Variants in GPHN observed in about 807,000 individuals in gnomAD.
GPHN encodes gephyrin.
A neutral mutation model predicts 95.5 loss-of-function variants in GPHN; 17 were observed. The observed-to-expected ratio is 0.18, with a 90% confidence interval of 0.12 to 0.27. GPHN has a LOEUF of 0.27. GPHN is among the 10% of genes least tolerant of loss of function. The pLI is 1.00. For missense variants in GPHN, 660 were observed against 978.1 expected, an observed-to-expected ratio of 0.67 and a Z score of 4.34; for synonymous variants, 320 against 322.5, an observed-to-expected ratio of 0.99 and a Z score of 0.08.
the GPHN span, among the ~76,000 whole-genome samples, chr14:67,657,824 C>T: frequency 6.6e-6 from 1 of 151,356 alleles, no homozygotes; most frequent in African/African-American, 2.4e-5. Flanking sequence ...TCTCAGCTCA[C>T]TGCAGCCTCT....
the GPHN span, among the ~76,000 whole-genome samples, chr14:67,699,878 A>T: frequency 1.3e-4 from 20 of 152,328 alleles, no homozygotes; most frequent in East Asian, 3.7e-3. Flanking sequence ...GCGGTGGCTC[A>T]CGCCTGTACT....
the GPHN span, chr14:67,343,321 A>G: frequency 7.2e-7 from 1 of 1,396,884 alleles, no homozygotes; most frequent in Non-Finnish European, 1.0e-6. Context: ...TTTCACGACA[A>G]GTGGAGGGTA....
the GPHN span, chr14:67,659,690 C>T: frequency 6.4e-7 from 1 of 1,553,704 alleles, no homozygotes; most frequent in Non-Finnish European, 8.7e-7. Context: ...ACCACAGGCC[C>T]TTAAAGGAAA....
intron 3 of GPHN, among the ~76,000 whole-genome samples, chr14:66,785,038 C>T (rs954566256): frequency 4.0e-5 from 6 of 151,738 alleles, no homozygotes; most frequent in Admixed American, 6.6e-5. Context: ...AGAAGGATGG[C>T]GAAAGATTTA....
the GPHN span, among the ~76,000 whole-genome samples, chr14:67,540,397 C>T: frequency 6.6e-6 from 1 of 151,816 alleles, no homozygotes; most frequent in Admixed American, 6.6e-5. Context: ...AGATTGAGGC[C>T]GGTGGATCAC....
chr14:67,636,957 G>C, the GPHN span, among the ~76,000 whole-genome samples: 1 of 152,250 alleles, frequency 6.6e-6, no homozygotes, highest in Non-Finnish European at 1.5e-5. Context: ...CACAGTTAGA[G>C]AAAGGGAAAG....
the GPHN span, among the ~76,000 whole-genome samples, chr14:67,387,721 G>A: frequency 6.6e-6 from 1 of 152,146 alleles, no homozygotes; most frequent in Non-Finnish European, 1.5e-5. Flanking sequence ...GCTCAAGATG[G>A]TAGCATGCCA....
intron 9 of GPHN, among the ~76,000 whole-genome samples, chr14:66,989,233 G>A (rs7149059): frequency 0.54 from 81,118 of 151,534 alleles, 24,105 homozygotes; most frequent in African/African-American, 0.81. Context: ...AACCTATTTT[G>A]TCATTTTTTT....
intron 3 of GPHN, among the ~76,000 whole-genome samples, chr14:66,806,763 A>G (rs576285205): frequency 6.6e-6 from 1 of 152,294 alleles, no homozygotes; most frequent in South Asian, 2.1e-4. Context: ...CTCATCCTGG[A>G]CTTTATTGTC....
At chr14:66,556,146 T>A (rs2059998788) in intron 1 of GPHN, among the ~76,000 whole-genome samples, 2 of 152,194 alleles carry the variant, frequency 1.3e-5, no homozygotes, top group Admixed American at 1.3e-4. Flanking sequence ...TATGATGTTA[T>A]AATCTTATGA....
intron 5 of GPHN, among the ~76,000 whole-genome samples, chr14:66,882,302 C>T (rs979997324): frequency 6.6e-6 from 1 of 151,744 alleles, no homozygotes; most frequent in African/African-American, 2.4e-5. Context: ...ATGGATAAAT[C>T]AGTGTTTTAC....
the GPHN span, among the ~76,000 whole-genome samples, chr14:67,193,954 C>CAAAAAAAAAACAAAAAAAAAAAAAAA: frequency 3.5e-5 from 3 of 85,724 alleles, no homozygotes; most frequent in African/African-American, 1.2e-4. Context: ...CAAAAAAAAA[C>CAAAAAAAAAACAAAAAAAAAAAAAAA]AAAAAAAAAA....
chr14:67,123,631 G>A (rs1052960977), intron 17 of GPHN, among the ~76,000 whole-genome samples: 5 of 152,108 alleles, frequency 3.3e-5, no homozygotes, highest in Admixed American at 1.3e-4. Context: ...AGCTGAGATC[G>A]TAACACTGCA....
intron 10 of GPHN, among the ~76,000 whole-genome samples, chr14:67,031,853 A>G (rs545402026): frequency 2.0e-5 from 3 of 152,230 alleles, no homozygotes; most frequent in East Asian, 1.9e-4. Context: ...GAAAAGTTGC[A>G]TCATTCATTA....
the GPHN span, chr14:67,302,660 A>G: frequency 1.0e-5 from 10 of 1,001,504 alleles, no homozygotes; most frequent in Non-Finnish European, 1.4e-5. Flanking sequence ...ATAACTGTTA[A>G]GAGCACTAGA....
intron 8 of GPHN, among the ~76,000 whole-genome samples, chr14:66,929,539 G>T (rs1355667545): frequency 6.6e-6 from 1 of 152,050 alleles, no homozygotes; most frequent in Non-Finnish European, 1.5e-5. Flanking sequence ...TCCTCTTGCT[G>T]AATTGATTCC....
chr14:66,738,046 A>G (rs17182886), intron 2 of GPHN, among the ~76,000 whole-genome samples: 1 of 152,162 alleles, frequency 6.6e-6, no homozygotes, highest in African/African-American at 2.4e-5. Context: ...AGTGACTCCT[A>G]ATCCTCCAGG....
intron 1 of GPHN, among the ~76,000 whole-genome samples, chr14:66,650,689 T>C (rs2065000298): frequency 6.6e-6 from 1 of 152,206 alleles, no homozygotes; most frequent in Non-Finnish European, 1.5e-5. Flanking sequence ...CAGGAGGATA[T>C]ACATGAGGAA....
the GPHN span, among the ~76,000 whole-genome samples, chr14:67,532,521 C>T: frequency 6.6e-6 from 1 of 152,150 alleles, no homozygotes; most frequent in South Asian, 2.1e-4. Flanking sequence ...ACGAGGAGCA[C>T]ATGGGCACGC....
Sources: allele counts gnomAD v4.1 joint callset (sites outside exome capture counted in the v4.1 genomes callset), GRCh38; gene constraint gnomAD v4.1.1; transcripts MANE v1.5; gene names NCBI Gene and HGNC (gene_info 2026-07-23, HGNC 2026-07-21).